The following NODAL variants were observed in gnomAD, a reference collection of about 807,000 sequenced individuals.
The protein encoded by NODAL is nodal growth differentiation factor, also known as nodal homolog.
Under a neutral mutation model 34.0 loss-of-function variants are expected in NODAL, and 12 were observed. The observed-to-expected ratio is 0.35, with a 90% CI of 0.23 to 0.57. The LOEUF is 0.57. Among genes scored for constraint, NODAL ranks in the 20% least tolerant of loss-of-function variants. The pLI is 0.83. For missense variants in NODAL, 390 were observed against 444.2 expected (o/e 0.88, Z 1.10); for synonymous variants, 162 against 186.4 (o/e 0.87, Z 1.07).
At chr10:70,434,347 A>G (rs1395673270) in intron 2 of NODAL, among the ~76,000 whole-genome samples, 1 of 152,132 alleles carries the variant, frequency 6.6e-6, no homozygotes, top group African/African-American at 2.4e-5. Context: ...ACCAAGTGGC[A>G]GCCTCTGGCT....
chr10:70,440,805 A>G (rs1845421123), intron 1 of NODAL, among the ~76,000 whole-genome samples: 1 of 152,120 alleles, frequency 6.6e-6, no homozygotes, highest in Admixed American at 6.5e-5. Flanking sequence ...TGGAGGACCC[A>G]AGGCTGCCAC....
At chr10:70,442,561 G>T (rs1238440075), upstream of NODAL, among the ~76,000 whole-genome samples, 1 of 152,132 alleles carries the variant, frequency 6.6e-6, no homozygotes, top group Non-Finnish European at 1.5e-5. Flanking sequence ...GTCAAATCAG[G>T]GCTGGAATGA....
At chr10:70,442,433 G>T (rs1399366290), upstream of NODAL, among the ~76,000 whole-genome samples, 1 of 152,224 alleles carries the variant, frequency 6.6e-6, no homozygotes, top group Non-Finnish European at 1.5e-5. Flanking sequence ...TGCCTGGTGT[G>T]GCAGGGCCAC....
At position 70,441,603 on chromosome 10, in the gene NODAL, G is replaced by T; in HGVS notation, c.65C>A (p.Ala22Glu). 1.9e-6 allele frequency: 3 copies of T among 1,555,056 alleles called. No homozygotes were observed. Among genetic ancestry groups the T allele is most frequent in the Non-Finnish European group, 2.6e-6 (3 of 1,150,382 alleles). ...ACGCAGGAGCGCAGTGGCCACCGTC[G>T]CAGCACCCGCCTGGAGTAGGGCCCA... The part of the protein sequence containing the change: ...AWWALLQAGA[A>E]TVATALLRTR... The change falls in exon 1 of 3, where the codon GCG becomes GAG. Residue 22 changes from alanine (A) to glutamate (E), a missense_variant. By Grantham distance (107) the Ala-to-Glu change is moderately radical. Transcript: ENST00000287139.
rs77232076 is a variant in NODAL, at chr10:70,432,532, A to G, written c.*404T>C. 1,747 of 324,108 alleles carry G rather than the reference A, an allele frequency of 5.4e-3. 25 individuals are homozygous for G. The highest frequency in any genetic ancestry group is 0.035 in the African/African-American group (1,632 of 46,556). 20.1% of individuals were successfully genotyped at this position (324,108 alleles called of 1,614,324 possible). A position where few individuals can be genotyped will look rare whatever the true frequency, so the allele number is the denominator to read the frequency against. On this transcript the variant is annotated 3_prime_UTR_variant, in exon 3 of 3. Coordinates refer to ENST00000287139, the MANE Select transcript of NODAL (RefSeq NM_018055.5). ...GGTCACACACAGACTACTTTGGAGA[A>G]TACATGAAAGCTATAGGTGACTTCA... is the stretch of plus-strand genomic sequence containing the variant.
upstream of NODAL, among the ~76,000 whole-genome samples, chr10:70,442,024 AC>A (rs1486623693): frequency 6.6e-6 from 1 of 151,956 alleles, no homozygotes; most frequent in Admixed American, 6.6e-5. Context: ...TCCTTACTCG[AC>A]CTCACCTGGG....
Position 70,432,673 on chromosome 10 carries a change from C to G in NODAL, c.*263G>C. 2 of 515,070 alleles carry G rather than the reference C, an allele frequency of 3.9e-6. No individual in the cohort carries two copies. The highest frequency in any genetic ancestry group is 4.1e-5 in the South Asian group (2 of 48,348). 31.9% of individuals were successfully genotyped at this position (515,070 alleles called of 1,614,324 possible). A position where few individuals can be genotyped will look rare whatever the true frequency, so the allele number is the denominator to read the frequency against. On this transcript the variant is annotated 3_prime_UTR_variant, in exon 3 of 3. Coordinates refer to ENST00000287139, the MANE Select transcript of NODAL (RefSeq NM_018055.5). ...CATGCACTTGTGCTTTTCCTTGCCA[C>G]TGTCTTTTCAGTAAAGAGAACATCC... is the stretch of plus-strand genomic sequence containing the variant.
At position 70,435,684 on chromosome 10, in the gene NODAL, G is replaced by A. The variant is rs538004915; in HGVS notation, c.493C>T (p.His165Tyr). Residue 165 changes from histidine to tyrosine, a missense_variant, in exon 2 of 3, where the codon CAC (histidine) becomes TAC (tyrosine). By Grantham distance (83) the His-to-Tyr change is moderately conservative. Coordinates refer to ENST00000287139, the MANE Select transcript of NODAL (RefSeq NM_018055.5). ...ATCTGCTTCTCCAGGGCCCCAGGGT[G>A]CTTCAGCCACTTGGAGAGAGGCCTG... ...VTRPLSKWLKHPGALEKQMSR... is the reference protein window; with the variant it reads ...VTRPLSKWLKYPGALEKQMSR... 2.5e-6 allele frequency: 4 copies of A among 1,614,132 alleles called. No individual in the cohort carries two copies. Among genetic ancestry groups the A allele is most frequent in the East Asian group, 4.5e-5 (2 of 44,884 alleles).
chr10:70,441,538 T>C lies in NODAL; in HGVS notation c.130A>G (p.Met44Val). The C allele has an allele frequency of 2.5e-6, 4 of 1,594,644 alleles. No individual in the cohort carries two copies. Among genetic ancestry groups the C allele is most frequent in the African/African-American group, 2.7e-5 (2 of 74,690 alleles). The stretch of plus-strand genomic sequence containing the variant: ...AGCGGGTCGCGGTAGAGGCTCAGCA[T>C]GTACGCCAGAGGGGATGGCGACGAG... ...QPSSPSPLAY[M>V]LSLYRDPLPR... is the part of the protein sequence containing the mutation. The change falls in exon 1 of 3, where the codon ATG becomes GTG. Residue 44 changes from methionine (M) to valine (V), a missense_variant. By Grantham distance (21) the Met-to-Val change is conservative (BLOSUM62 1). Coordinates refer to ENST00000287139, the MANE Select transcript of NODAL (RefSeq NM_018055.5).
At chr10:70,434,388 GT>G (rs1294060640) in intron 2 of NODAL, among the ~76,000 whole-genome samples, 1 of 152,160 alleles carries the variant, frequency 6.6e-6, no homozygotes, top group East Asian at 1.9e-4. Flanking sequence ...TTGAGATGGA[GT>G]TTCGCTCCTG....
chr10:70,435,957 T>A lies in NODAL; in HGVS notation c.220A>T (p.Thr74Ser). The A allele has an allele frequency of 6.2e-7, 1 of 1,614,034 alleles. No individual in the cohort carries two copies. Residue 74 changes from threonine to serine, a missense_variant, in exon 2 of 3, where the codon ACG (threonine) becomes TCG (serine). Physicochemically the swap from Thr to Ser is moderately conservative, Grantham distance 58. Coordinates refer to ENST00000287139, the MANE Select transcript of NODAL (RefSeq NM_018055.5). The part of the protein sequence containing the change: ...EDVAVDGQNW[T>S]FAFDFSFLSQ... ...AGGAAGGAGAAGTCAAAAGCAAACG[T>A]CCAGTTCTGCCCATCCACTGCCACA...
chr10:70,437,446 A>G (rs955687217), intron 1 of NODAL, among the ~76,000 whole-genome samples: 1 of 152,046 alleles, frequency 6.6e-6, no homozygotes, highest in African/African-American at 2.4e-5. Flanking sequence ...TGTCTCAACA[A>G]AAACAACAAC....
At chr10:70,438,940 A>C (rs1418501829) in intron 1 of NODAL, among the ~76,000 whole-genome samples, 1 of 152,222 alleles carries the variant, frequency 6.6e-6, no homozygotes, top group Non-Finnish European at 1.5e-5. Flanking sequence ...ATGGACACCC[A>C]AAAACCCATT....
intron 1 of NODAL, among the ~76,000 whole-genome samples, chr10:70,440,630 T>C (rs909263961): frequency 6.6e-6 from 1 of 152,090 alleles, no homozygotes; most frequent in African/African-American, 2.4e-5. Flanking sequence ...AGGGGCTCCC[T>C]CTCCGCAGCA....
At chr10:70,433,665 T>C (rs534563384) in intron 2 of NODAL, among the ~76,000 whole-genome samples, 1 of 152,316 alleles carries the variant, frequency 6.6e-6, no homozygotes, top group East Asian at 1.9e-4. Context: ...TCCACCCACC[T>C]CAGCCTCCCA....
chr10:70,442,706 C>T (rs1022005903), upstream of NODAL, among the ~76,000 whole-genome samples: 1 of 152,218 alleles, frequency 6.6e-6, no homozygotes, highest in Non-Finnish European at 1.5e-5. Flanking sequence ...CCAACACTTA[C>T]TGAACACTTA....
upstream of NODAL, among the ~76,000 whole-genome samples, chr10:70,443,100 AC>A (rs986814375): frequency 6.6e-6 from 1 of 151,894 alleles, no homozygotes. Context: ...AAACAAAACA[AC>A]AACAACAACA....
upstream of NODAL, among the ~76,000 whole-genome samples, chr10:70,443,480 G>C (rs527726320): frequency 6.6e-6 from 1 of 152,134 alleles, no homozygotes; most frequent in East Asian, 1.9e-4. Context: ...TTGAGGCCAG[G>C]AGTTTGAGAC....
At chr10:70,438,044 C>T (rs1440335502) in intron 1 of NODAL, among the ~76,000 whole-genome samples, 1 of 152,028 alleles carries the variant, frequency 6.6e-6, no homozygotes, top group African/African-American at 2.4e-5. Context: ...AATCCCAGCA[C>T]TTTGGGAGGC....
Sources: gnomAD v4.1 joint callset for allele counts (sites outside exome capture counted in the v4.1 genomes callset) on GRCh38, gnomAD v4.1.1 for gene constraint, MANE v1.5 for transcripts, NCBI Gene and HGNC (gene_info 2026-07-23, HGNC 2026-07-21) for gene names.